REEP1: variants seen among roughly 807,000 people sequenced by gnomAD.
REEP1 encodes receptor accessory protein 1.
In REEP1, 22 loss-of-function variants were observed where a neutral mutation model predicts 40.3. That is an observed-to-expected ratio of 0.55 (90% CI 0.39 to 0.78). The LOEUF (loss-of-function observed/expected upper bound fraction) is 0.78. Among genes scored for constraint, REEP1 ranks in the 30% least tolerant of loss-of-function variants. REEP1 has a pLI of 0.00. For synonymous variants in REEP1, 116 were observed against 139.2 expected (o/e 0.83, Z 1.17); for missense variants, 280 against 361.1 (o/e 0.78, Z 1.82).
At chr2:86,302,881 T>G (rs900555485) in intron 1 of REEP1, among the ~76,000 whole-genome samples, 5 of 152,142 alleles carry the variant, frequency 3.3e-5, no homozygotes, top group African/African-American at 9.7e-5. Flanking sequence ...ACAGTAGCAT[T>G]TGACCCTTCA....
Position 86,214,922 on chromosome 2 carries a change from A to G in REEP1, c.*2117T>C, listed in dbSNP as rs1446211638. On this transcript the variant is annotated 3_prime_UTR_variant, in exon 9 of 9. Coordinates refer to ENST00000538924, the MANE Select transcript of REEP1 (RefSeq NM_001371279.1). Reference sequence around the variant, plus strand: ...ACTTGTCACAACTCTCCATTGTAAAATGGCGAAAATATAGGTTGTTCACGA... The same window carrying G: ...ACTTGTCACAACTCTCCATTGTAAAGTGGCGAAAATATAGGTTGTTCACGA... 2.0e-5 allele frequency: 3 copies of G among 152,134 alleles called. No homozygotes were observed. Among genetic ancestry groups the G allele is most frequent in the Admixed American group, 6.6e-5 (1 of 15,198 alleles). 9.4% of individuals were successfully genotyped at this position (152,134 alleles called of 1,614,324 possible).
At chr2:86,283,555 AAGCAGGGGTC>A (rs1558913335) in intron 1 of REEP1, among the ~76,000 whole-genome samples, 1 of 152,180 alleles carries the variant, frequency 6.6e-6, no homozygotes, top group Non-Finnish European at 1.5e-5. Flanking sequence ...GCAATTTACC[AAGCAGGGGTC>A]AGCTTTACCA....
intron 7 of REEP1, among the ~76,000 whole-genome samples, chr2:86,220,327 A>G (rs1275413857): frequency 6.6e-6 from 1 of 152,172 alleles, no homozygotes; most frequent in Non-Finnish European, 1.5e-5. Context: ...AGTTGTGTGA[A>G]TCTCCAGGCA....
At chr2:86,282,291 T>C in intron 1 of REEP1, 49 bp from the exon 2 acceptor site, 1 of 1,382,088 alleles carries the variant, frequency 7.2e-7, no homozygotes. Context: ...TTTATCTTAT[T>C]TAATGGAAAA....
At chr2:86,313,998 A>G (rs1012187056) in intron 1 of REEP1, among the ~76,000 whole-genome samples, 3 of 152,254 alleles carry the variant, frequency 2.0e-5, no homozygotes, top group African/African-American at 7.2e-5. Context: ...TTCAGCCAGG[A>G]GCCACCACGT....
At chr2:86,325,648 C>T (rs981238229) in intron 1 of REEP1, among the ~76,000 whole-genome samples, 10 of 152,072 alleles carry the variant, frequency 6.6e-5, no homozygotes, top group African/African-American at 1.9e-4. Context: ...AATGCAGCCA[C>T]GAGGAATGCC....
intron 1 of REEP1, among the ~76,000 whole-genome samples, chr2:86,309,665 A>T (rs1204074909): frequency 1.3e-5 from 2 of 152,200 alleles, no homozygotes; most frequent in African/African-American, 4.8e-5. Context: ...GCAGACAGCC[A>T]GCTTTTGGCT....
intron 5 of REEP1, among the ~76,000 whole-genome samples, chr2:86,250,323 C>T (rs1007448708): frequency 6.6e-6 from 1 of 152,192 alleles, no homozygotes; most frequent in East Asian, 1.9e-4. Context: ...TTTCCTCAGG[C>T]TTCAGAGGCA....
At chr2:86,228,673 G>A (rs1001720725) in intron 6 of REEP1, among the ~76,000 whole-genome samples, 1 of 152,066 alleles carries the variant, frequency 6.6e-6, no homozygotes, top group Admixed American at 6.5e-5. Context: ...GGTCAGGCTG[G>A]TCTCAAACTC....
At chr2:86,232,192 GA>G (rs1207787345) in intron 6 of REEP1, among the ~76,000 whole-genome samples, 1 of 152,200 alleles carries the variant, frequency 6.6e-6, no homozygotes, top group African/African-American at 2.4e-5. Context: ...AGGCAGGGAA[GA>G]GGGCCCGTGA....
intron 5 of REEP1, among the ~76,000 whole-genome samples, chr2:86,250,465 G>A (rs1323479356): frequency 6.6e-6 from 1 of 152,146 alleles, no homozygotes; most frequent in Non-Finnish European, 1.5e-5. Flanking sequence ...GCATAAAATG[G>A]TTGCATCTCA....
chr2:86,308,184 A>C (rs968623961), intron 1 of REEP1, among the ~76,000 whole-genome samples: 2 of 152,248 alleles, frequency 1.3e-5, no homozygotes, highest in Non-Finnish European at 2.9e-5. Flanking sequence ...CACACTGCTA[A>C]GAATCTCTTA....
intron 1 of REEP1, among the ~76,000 whole-genome samples, chr2:86,319,984 G>A (rs1003717386): frequency 2.6e-5 from 4 of 152,204 alleles, no homozygotes; most frequent in Non-Finnish European, 5.9e-5. Flanking sequence ...AGAAAGCATA[G>A]TACACCCTGA....
At chr2:86,240,158 C>G (rs1039654997) in intron 5 of REEP1, 6 of 152,554 alleles carry the variant, frequency 3.9e-5, no homozygotes, top group African/African-American at 1.4e-4. Flanking sequence ...CCTCTTTCCT[C>G]CCATCACTCC....
chr2:86,267,013 A>C (rs1308137598), intron 2 of REEP1, among the ~76,000 whole-genome samples: 1 of 130,964 alleles, frequency 7.6e-6, no homozygotes, highest in Non-Finnish European at 1.6e-5. Flanking sequence ...TCTCAGGGGA[A>C]AAAAAAAACA....
At chr2:86,318,400 C>CTTTTTTTTTTT (rs775382572) in intron 1 of REEP1, among the ~76,000 whole-genome samples, 1 of 52,908 alleles carries the variant, frequency 1.9e-5, no homozygotes, top group Non-Finnish European at 4.6e-5. Context: ...CTTTTCTTTT[C>CTTTTTTTTTTT]TTTTTTTTTT....
chr2:86,308,555 G>A (rs1679613863), intron 1 of REEP1, among the ~76,000 whole-genome samples: 1 of 152,142 alleles, frequency 6.6e-6, no homozygotes, highest in Non-Finnish European at 1.5e-5. Context: ...TGGTAGAGGA[G>A]TAACAACTAG....
chr2:86,314,007 G>A (rs1021773058), intron 1 of REEP1, among the ~76,000 whole-genome samples: 31 of 152,232 alleles, frequency 2.0e-4, no homozygotes, highest in African/African-American at 7.2e-4. Flanking sequence ...GAGCCACCAC[G>A]TTTGTGACTT....
chr2:86,234,258 C>T (rs1409352285), intron 5 of REEP1, among the ~76,000 whole-genome samples: 2 of 152,104 alleles, frequency 1.3e-5, no homozygotes. Flanking sequence ...TGGCTCATGC[C>T]TGTAATCCCA....
Sources: gnomAD v4.1 joint callset for allele counts (sites outside exome capture counted in the v4.1 genomes callset) on GRCh38, gnomAD v4.1.1 for gene constraint, MANE v1.5 for transcripts, NCBI Gene and HGNC (gene_info 2026-07-23, HGNC 2026-07-21) for gene names.